Variants in RASGRF2 observed in about 807,000 individuals in gnomAD.
The protein encoded by RASGRF2 is Ras protein specific guanine nucleotide releasing factor 2.
A neutral mutation model predicts 151.0 loss-of-function variants in RASGRF2; 76 were observed. That is an observed-to-expected ratio of 0.50 (90% CI 0.42 to 0.61). RASGRF2 has a LOEUF of 0.61. Among genes scored for constraint, RASGRF2 ranks in the 20% least tolerant of loss-of-function variants. The pLI is 0.00. For missense variants in RASGRF2, 1,148 were observed against 1,564.6 expected (o/e 0.73, Z 4.49); for synonymous variants, 504 against 566.5 (o/e 0.89, Z 1.57).
At chr5:81,070,961 G>A (rs6863851) in intron 4 of RASGRF2, among the ~76,000 whole-genome samples, 20 of 152,072 alleles carry the variant, frequency 1.3e-4, no homozygotes, top group South Asian at 6.2e-4. Context: ...TTTTTGGGGG[G>A]CATGTGTGAA....
chr5:80,982,798 C>T (rs994145895), intron 1 of RASGRF2, among the ~76,000 whole-genome samples: 6 of 151,922 alleles, frequency 3.9e-5, no homozygotes, highest in African/African-American at 1.2e-4. Flanking sequence ...GACGGGGTTT[C>T]ACCGTGTTAG....
Position 81,227,604 on chromosome 5 carries a change from C to G in RASGRF2, c.*1834C>G, listed in dbSNP as rs1287843311. On this transcript the variant is annotated 3_prime_UTR_variant, in exon 27 of 27. Transcript: ENST00000265080. ...AACTTGTGATTTATTTCTCAGTGCT[C>G]CAGAAACTGAGGGTTTGAAATAATA... 3 of 152,150 alleles carry G rather than the reference C, an allele frequency of 2.0e-5. No individual in the cohort carries two copies. Among genetic ancestry groups the G allele is most frequent in the Non-Finnish European group, 4.4e-5 (3 of 68,032 alleles). 9.4% of individuals were successfully genotyped at this position (152,150 alleles called of 1,614,324 possible).
intron 17 of RASGRF2, among the ~76,000 whole-genome samples, chr5:81,168,462 C>T (rs993202202): frequency 1.5e-4 from 23 of 152,072 alleles, no homozygotes; most frequent in African/African-American, 3.9e-4. Context: ...AGGCGCACAC[C>T]GCCACGCTCA....
chr5:81,121,503 C>T (rs1753306372), intron 15 of RASGRF2, among the ~76,000 whole-genome samples: 1 of 152,158 alleles, frequency 6.6e-6, no homozygotes, highest in Admixed American at 6.5e-5. Context: ...GCAAAATTTT[C>T]TGGCAGGAGA....
chr5:81,039,628 T>A (rs1388359769), intron 1 of RASGRF2, among the ~76,000 whole-genome samples: 3 of 152,162 alleles, frequency 2.0e-5, no homozygotes, highest in Non-Finnish European at 4.4e-5. Context: ...AGCATATACA[T>A]CTTTCAACTT....
intron 17 of RASGRF2, among the ~76,000 whole-genome samples, chr5:81,178,775 G>A (rs1754840867): frequency 6.6e-6 from 1 of 151,910 alleles, no homozygotes; most frequent in Admixed American, 6.5e-5. Flanking sequence ...GTCTCGCTCT[G>A]TCGCCCATGC....
chr5:81,181,694 G>T (rs111576378), intron 18 of RASGRF2, among the ~76,000 whole-genome samples: 2 of 152,076 alleles, frequency 1.3e-5, no homozygotes, highest in African/African-American at 4.8e-5. Context: ...GGCCCACAGT[G>T]GCTTCTAAGA....
intron 9 of RASGRF2, chr5:81,087,421 G>T: frequency 1.5e-6 from 1 of 668,930 alleles, no homozygotes; most frequent in Non-Finnish European, 2.7e-6. Context: ...CGCCCCACAC[G>T]ATATAATTTG....
intron 15 of RASGRF2, among the ~76,000 whole-genome samples, chr5:81,122,181 A>G (rs26893): frequency 0.39 from 59,843 of 152,038 alleles, 13,706 homozygotes; most frequent in African/African-American, 0.64. Context: ...GTCAGGGTCC[A>G]TCCAGCTTTT....
chr5:81,041,563 CTTG>C (rs1170971037), intron 1 of RASGRF2, among the ~76,000 whole-genome samples: 1 of 152,102 alleles, frequency 6.6e-6, no homozygotes, highest in African/African-American at 2.4e-5. Context: ...GAGGACTCTC[CTTG>C]TTGTAAAGTT....
At chr5:81,143,652 G>T (rs1172240703) in intron 17 of RASGRF2, among the ~76,000 whole-genome samples, 3 of 151,916 alleles carry the variant, frequency 2.0e-5, no homozygotes, top group African/African-American at 7.3e-5. Context: ...AGCACTTTGG[G>T]AGGCCGAGGC....
intron 18 of RASGRF2, among the ~76,000 whole-genome samples, chr5:81,191,830 T>A (rs1341977554): frequency 6.6e-6 from 1 of 152,198 alleles, no homozygotes; most frequent in Non-Finnish European, 1.5e-5. Context: ...GGGGCTGAAT[T>A]TTAGCAGTCA....
At chr5:80,992,888 G>A (rs1561542494) in intron 1 of RASGRF2, among the ~76,000 whole-genome samples, 1 of 152,190 alleles carries the variant, frequency 6.6e-6, no homozygotes, top group Admixed American at 6.5e-5. Flanking sequence ...TAGAAGTGAG[G>A]TACAAATTTG....
intron 1 of RASGRF2, among the ~76,000 whole-genome samples, chr5:80,996,653 G>A (rs897315046): frequency 1.4e-5 from 2 of 145,780 alleles, no homozygotes; most frequent in African/African-American, 5.1e-5. Flanking sequence ...AGGCTGAAGT[G>A]CAGTGGCGCA....
intron 18 of RASGRF2, among the ~76,000 whole-genome samples, chr5:81,198,219 T>G (rs1310468910): frequency 1.3e-5 from 2 of 152,118 alleles, no homozygotes; most frequent in Non-Finnish European, 2.9e-5. Context: ...ATCACCCAGA[T>G]AGTGAATATA....
At chr5:81,136,468 C>G (rs144087954) in intron 17 of RASGRF2, among the ~76,000 whole-genome samples, 86 of 152,264 alleles carry the variant, frequency 5.6e-4, no homozygotes, top group African/African-American at 2.0e-3. Context: ...TCACTCCACT[C>G]TCTTCTTGCT....
At chr5:81,046,145 G>C (rs1750829042) in intron 2 of RASGRF2, among the ~76,000 whole-genome samples, 1 of 152,116 alleles carries the variant, frequency 6.6e-6, no homozygotes. Flanking sequence ...AAATCCTCCT[G>C]TAGATGCCAC....
At chr5:81,075,127 G>A (rs147068186) in intron 5 of RASGRF2, among the ~76,000 whole-genome samples, 1 of 152,326 alleles carries the variant, frequency 6.6e-6, no homozygotes, top group Non-Finnish European at 1.5e-5. Context: ...CACCTGTTAG[G>A]TAGCTATTTC....
intron 1 of RASGRF2, among the ~76,000 whole-genome samples, chr5:80,979,649 A>T (rs1748235170): frequency 6.6e-6 from 1 of 152,202 alleles, no homozygotes; most frequent in East Asian, 1.9e-4. Context: ...CAGATGAGAG[A>T]TACTTGGCAT....
Sources: gnomAD v4.1 joint callset for allele counts (sites outside exome capture counted in the v4.1 genomes callset) on GRCh38, gnomAD v4.1.1 for gene constraint, MANE v1.5 for transcripts, NCBI Gene and HGNC (gene_info 2026-07-23, HGNC 2026-07-21) for gene names.